BMERB1: variants seen among roughly 807,000 people sequenced by gnomAD.
BMERB1 encodes bMERB domain containing 1.
In BMERB1, 12 loss-of-function variants were observed where a neutral mutation model predicts 23.6. The observed-to-expected ratio is 0.51, with a 90% CI of 0.33 to 0.82. The LOEUF (loss-of-function observed/expected upper bound fraction) is 0.82. BMERB1 is among the 40% of genes least tolerant of loss of function. BMERB1 has a pLI of 0.03. For missense variants in BMERB1, 247 were observed against 255.4 expected (o/e 0.97, Z 0.22); for synonymous variants, 122 against 96.6 (o/e 1.26, Z -1.54).
chr16:15,561,874 T>C (rs2030431554), intron 2 of BMERB1, among the ~76,000 whole-genome samples: 1 of 152,094 alleles, frequency 6.6e-6, no homozygotes, highest in South Asian at 2.1e-4. Flanking sequence ...GCCTGGGTGA[T>C]AGAGCTAGAC....
At chr16:15,532,956 T>C (rs1485194364) in intron 2 of BMERB1, 3 of 454,084 alleles carry the variant, frequency 6.6e-6, no homozygotes, top group Non-Finnish European at 1.3e-5. Flanking sequence ...AAATTACACC[T>C]AGATTTACAT....
At chr16:15,489,374 G>C (rs1241087301) in intron 1 of BMERB1, among the ~76,000 whole-genome samples, 1 of 152,084 alleles carries the variant, frequency 6.6e-6, no homozygotes, top group Non-Finnish European at 1.5e-5. Context: ...TTCCAGGAAC[G>C]GGAAATTGCT....
At chr16:15,454,478 G>A (rs1407903058) in intron 1 of BMERB1, among the ~76,000 whole-genome samples, 1 of 152,160 alleles carries the variant, frequency 6.6e-6, no homozygotes, top group Non-Finnish European at 1.5e-5. Context: ...AAGTGTGATG[G>A]GGACACAGAG....
intron 1 of BMERB1, among the ~76,000 whole-genome samples, chr16:15,491,755 C>A (rs1352425078): frequency 6.6e-6 from 1 of 152,164 alleles, no homozygotes; most frequent in Non-Finnish European, 1.5e-5. Flanking sequence ...TCTTCCCAGG[C>A]CAGCTTCTGC....
At chr16:15,575,661 G>A (rs964941631) in intron 3 of BMERB1, among the ~76,000 whole-genome samples, 1 of 152,220 alleles carries the variant, frequency 6.6e-6, no homozygotes, top group South Asian at 2.1e-4. Context: ...CACTCCATAG[G>A]GTGGGAGTGT....
intron 1 of BMERB1, among the ~76,000 whole-genome samples, chr16:15,455,956 C>T (rs1024628052): frequency 6.6e-6 from 1 of 152,082 alleles, no homozygotes; most frequent in Non-Finnish European, 1.5e-5. Flanking sequence ...ATCAGGTTGA[C>T]GTTTTCCTTT....
intron 2 of BMERB1, 60 bp downstream of exon 2, chr16:15,515,488 A>G (rs1811802315): frequency 3.8e-6 from 6 of 1,566,432 alleles, no homozygotes; most frequent in Non-Finnish European, 5.2e-6. Context: ...GGAAAACCTA[A>G]TATTTGTTGA....
At chr16:15,437,849 C>T (rs748363988) in intron 1 of BMERB1, among the ~76,000 whole-genome samples, 7 of 151,720 alleles carry the variant, frequency 4.6e-5, no homozygotes, top group African/African-American at 1.7e-4. Context: ...TCCCAGCTGC[C>T]GGGGAGGCTG....
rs929799288 is a variant in BMERB1 at position 15,545,038 on chromosome 16, T to A, written c.231-22945T>A. On this transcript the variant is annotated intron_variant, in intron 2 of 5. Coordinates refer to ENST00000300006, the MANE Select transcript of BMERB1 (RefSeq NM_033201.3). ...CCCAGGCTGGAGTGCAGTGGTGCAA[T>A]CTCGGCTCACTGCAACCTCTGCCCC... 7.9e-5 allele frequency among the ~76,000 whole-genome samples: 12 copies of A among 152,200 alleles called. No individual in the cohort carries two copies. The East Asian group carries it at 9.7e-4, about 12-fold the overall frequency.
intron 1 of BMERB1, among the ~76,000 whole-genome samples, chr16:15,502,899 G>T (rs571828195): frequency 6.6e-6 from 1 of 152,176 alleles, no homozygotes; most frequent in East Asian, 1.9e-4. Context: ...TTTGATGGTG[G>T]CTCCAATTTT....
intron 1 of BMERB1, among the ~76,000 whole-genome samples, chr16:15,491,610 C>T (rs1054517104): frequency 2.0e-5 from 3 of 152,146 alleles, no homozygotes; most frequent in Admixed American, 1.3e-4. Flanking sequence ...TCTTGGAACA[C>T]CCCTTCCCTT....
intron 2 of BMERB1, among the ~76,000 whole-genome samples, chr16:15,565,504 C>T (rs2150971180): frequency 6.6e-6 from 1 of 152,294 alleles, no homozygotes; most frequent in East Asian, 1.9e-4. Context: ...GTCTTCTTTG[C>T]TGTTGCAAGC....
intron 3 of BMERB1, among the ~76,000 whole-genome samples, chr16:15,574,815 C>T (rs375584433): frequency 1.2e-4 from 19 of 152,140 alleles, no homozygotes; most frequent in Middle Eastern, 6.8e-3. Context: ...CAGTGGCTCA[C>T]GCGTATAATC....
At chr16:15,516,906 G>A (rs911306082) in intron 2 of BMERB1, among the ~76,000 whole-genome samples, 1 of 152,162 alleles carries the variant, frequency 6.6e-6, no homozygotes, top group African/African-American at 2.4e-5. Flanking sequence ...AATGCAGTGA[G>A]GCCGTCATAG....
At chr16:15,487,741 A>G (rs2051380372) in intron 1 of BMERB1, among the ~76,000 whole-genome samples, 1 of 152,224 alleles carries the variant, frequency 6.6e-6, no homozygotes, top group East Asian at 1.9e-4. Context: ...TTTCTGGGAA[A>G]GAGGTGGGCA....
At chr16:15,475,732 T>C (rs1251362868) in intron 1 of BMERB1, among the ~76,000 whole-genome samples, 1 of 152,174 alleles carries the variant, frequency 6.6e-6, no homozygotes, top group African/African-American at 2.4e-5. Context: ...GCTCTCAATT[T>C]GTTCCCACCC....
intron 2 of BMERB1, among the ~76,000 whole-genome samples, chr16:15,524,287 A>G (rs1380133111): frequency 6.6e-6 from 1 of 152,154 alleles, no homozygotes; most frequent in Admixed American, 6.6e-5. Flanking sequence ...TTTGTCTTGG[A>G]CAAAATATAC....
intron 2 of BMERB1, among the ~76,000 whole-genome samples, chr16:15,532,241 T>TG (rs1408213227): frequency 7.3e-5 from 10 of 136,854 alleles, no homozygotes; most frequent in African/African-American, 3.0e-4. Context: ...GTTTTTTTTG[T>TG]TTTTTTTTGA....
At chr16:15,535,648 C>CA (rs34379447) in intron 2 of BMERB1, among the ~76,000 whole-genome samples, 34,292 of 100,148 alleles carry the variant, frequency 0.34, 5,280 homozygotes, top group East Asian at 0.55. Flanking sequence ...GACTCCATCT[C>CA]AAAAAAAAAA....
Sources: gnomAD v4.1 joint callset for allele counts (sites outside exome capture counted in the v4.1 genomes callset) on GRCh38, gnomAD v4.1.1 for gene constraint, MANE v1.5 for transcripts, NCBI Gene and HGNC (gene_info 2026-07-23, HGNC 2026-07-21) for gene names.